The following BANK1 variants were observed in gnomAD, a reference collection of about 807,000 sequenced individuals.
BANK1 encodes the protein B cell scaffold protein with ankyrin repeats 1, also known as B-cell scaffold protein with ankyrin repeats.
A neutral mutation model predicts 94.5 loss-of-function variants in BANK1; 95 were observed. That is an observed-to-expected ratio of 1.00 (90% CI 0.85 to 1.19). The LOEUF (loss-of-function observed/expected upper bound fraction) is 1.19, where lower values mean the gene tolerates loss of function less well. Ranked by LOEUF, BANK1 falls within the 50% of genes most tolerant of loss-of-function variation. The probability of loss-of-function intolerance (pLI) is 0.00; values close to 1 mark genes in which losing one functional copy is unlikely to be tolerated. For missense variants in BANK1, 987 were observed against 932.2 expected, an observed-to-expected ratio of 1.06 and a Z score of -0.77; for synonymous variants, 334 against 308.4, an observed-to-expected ratio of 1.08 and a Z score of -0.87.
chr4:101,955,299 G>A (rs1578419097), intron 7 of BANK1, among the ~76,000 whole-genome samples: 1 of 152,110 alleles, frequency 6.6e-6, no homozygotes, highest in Non-Finnish European at 1.5e-5. Flanking sequence ...CAAATAGATT[G>A]TTCAAAAGAT....
intron 7 of BANK1, among the ~76,000 whole-genome samples, chr4:101,993,530 C>A (rs1040139136): frequency 6.6e-6 from 1 of 152,098 alleles, no homozygotes; most frequent in Non-Finnish European, 1.5e-5. Flanking sequence ...AAATACATTG[C>A]CAAAGCTGAC....
At chr4:101,957,351 C>T (rs1724382803) in intron 7 of BANK1, among the ~76,000 whole-genome samples, 1 of 152,132 alleles carries the variant, frequency 6.6e-6, no homozygotes, top group Non-Finnish European at 1.5e-5. Flanking sequence ...CTCCTGTTAC[C>T]TACCATTGAA....
Position 101,870,600 on chromosome 4 carries a change from G to A in BANK1, c.859G>A (p.Glu287Lys). 1 of 1,612,790 alleles carries A rather than the reference G, an allele frequency of 6.2e-7. No individual in the cohort carries two copies. The highest frequency in any genetic ancestry group is 1.1e-5 in the South Asian group (1 of 91,016). Residue 287 changes from glutamate (E) to lysine (K), a missense_variant, in exon 5 of 17, where the codon GAA becomes AAA. Physicochemically the swap from Glu to Lys is moderately conservative, Grantham distance 56. Transcript: ENST00000322953. ...GTACTACCCAACAGCAAAGGCAAAG[G>A]AATGCCTATTCAGAATGGCAGATTC... ...IKYYPTAKAKECLFRMADSGE... is the reference protein window; with the variant it reads ...IKYYPTAKAKKCLFRMADSGE...
intron 7 of BANK1, among the ~76,000 whole-genome samples, chr4:102,010,062 C>T (rs181593729): frequency 9.1e-4 from 138 of 152,104 alleles, no homozygotes; most frequent in Admixed American, 1.6e-3. Context: ...GTCAGGAGAT[C>T]GAGACCATCC....
chr4:101,910,649 G>A (rs1007433132), intron 6 of BANK1, among the ~76,000 whole-genome samples: 5 of 139,586 alleles, frequency 3.6e-5, no homozygotes, highest in Non-Finnish European at 7.6e-5. Context: ...AGCCGAGATC[G>A]CACCATTGCA....
intron 1 of BANK1, among the ~76,000 whole-genome samples, chr4:101,806,334 T>C (rs1406478667): frequency 1.1e-5 from 1 of 89,032 alleles, no homozygotes; most frequent in East Asian, 3.0e-4. Flanking sequence ...TATAAATCTA[T>C]TATACAATGT....
chr4:101,940,551 A>T (rs1038445889), intron 7 of BANK1, among the ~76,000 whole-genome samples: 19 of 151,704 alleles, frequency 1.3e-4, no homozygotes, highest in Admixed American at 1.2e-3. Context: ...TTTGTTTGTC[A>T]TTATCTCTTT....
At chr4:101,999,161 A>G (rs1001621643) in intron 7 of BANK1, among the ~76,000 whole-genome samples, 1 of 152,098 alleles carries the variant, frequency 6.6e-6, no homozygotes, top group Non-Finnish European at 1.5e-5. Context: ...TGTGGTTTGT[A>G]TCTTTACTTG....
chr4:101,874,795 A>G (rs1728426824), intron 5 of BANK1, among the ~76,000 whole-genome samples: 1 of 152,174 alleles, frequency 6.6e-6, no homozygotes, highest in African/African-American at 2.4e-5. Context: ...ATGCATGAAC[A>G]CTGTGTTTTT....
chr4:101,951,220 T>G (rs1411123823), intron 7 of BANK1, among the ~76,000 whole-genome samples: 1 of 152,160 alleles, frequency 6.6e-6, no homozygotes, highest in African/African-American at 2.4e-5. Context: ...CTCTGCATTA[T>G]CTTTACAAAT....
intron 7 of BANK1, among the ~76,000 whole-genome samples, chr4:101,947,097 A>G (rs914310285): frequency 1.3e-5 from 2 of 151,580 alleles, no homozygotes; most frequent in Non-Finnish European, 2.9e-5. Context: ...CTGAGGACTA[A>G]GCATTTCTGC....
intron 5 of BANK1, among the ~76,000 whole-genome samples, chr4:101,888,553 G>A (rs1728938148): frequency 6.6e-6 from 1 of 152,076 alleles, no homozygotes; most frequent in African/African-American, 2.4e-5. Flanking sequence ...TTAGAATGTA[G>A]GATTAAATTT....
At chr4:101,815,839 C>G (rs1018861219) in intron 1 of BANK1, among the ~76,000 whole-genome samples, 1 of 152,006 alleles carries the variant, frequency 6.6e-6, no homozygotes, top group Non-Finnish European at 1.5e-5. Flanking sequence ...ATAAACTTCA[C>G]TTTTAAAAGT....
intron 1 of BANK1, among the ~76,000 whole-genome samples, chr4:101,826,477 T>A (rs1479892677): frequency 1.3e-5 from 2 of 152,006 alleles, no homozygotes; most frequent in African/African-American, 4.8e-5. Flanking sequence ...TTTTAAATGC[T>A]TGATAATTTT....
At chr4:101,935,666 T>A (rs1723504297) in intron 7 of BANK1, among the ~76,000 whole-genome samples, 1 of 151,552 alleles carries the variant, frequency 6.6e-6, no homozygotes, top group African/African-American at 2.4e-5. Context: ...CTCAAGTAAT[T>A]AGTTTAGGGG....
chr4:101,866,692 G>T (rs1728082402), intron 4 of BANK1, among the ~76,000 whole-genome samples: 1 of 49,764 alleles, frequency 2.0e-5, no homozygotes, highest in Non-Finnish European at 4.0e-5. Context: ...TATAAATCAT[G>T]CTGCTATAAA....
chr4:101,889,835 A>G (rs977207514), intron 5 of BANK1, among the ~76,000 whole-genome samples: 1 of 151,998 alleles, frequency 6.6e-6, no homozygotes, highest in Non-Finnish European at 1.5e-5. Flanking sequence ...TCCTTTAGCT[A>G]TGTTCCAAAA....
In BANK1 at chr4:101,962,625, T is replaced by A. The variant is rs958137950; in HGVS notation, c.1206+44436T>A. 2.6e-5 allele frequency among the ~76,000 whole-genome samples: 4 copies of A among 152,190 alleles called. No homozygotes were observed. The South Asian group carries it at 8.3e-4, about 31-fold the overall frequency. On this transcript the variant is annotated intron_variant, in intron 7 of 16. Transcript: ENST00000322953. The stretch of plus-strand genomic sequence containing the variant: ...TTTACTAGTTCTGCTATTTTCCCTG[T>A]CATCTGAAGTTGAATGGTTACTTTT...
At chr4:101,854,120 G>A (rs918120062) in intron 2 of BANK1, among the ~76,000 whole-genome samples, 1 of 152,066 alleles carries the variant, frequency 6.6e-6, no homozygotes. Context: ...ACTGTCAGGG[G>A]CTGCTTTTCT....
Sources: gnomAD v4.1 joint callset for allele counts (sites outside exome capture counted in the v4.1 genomes callset) on GRCh38, gnomAD v4.1.1 for gene constraint, MANE v1.5 for transcripts, NCBI Gene and HGNC (gene_info 2026-07-23, HGNC 2026-07-21) for gene names.